Variants in MAD1L1 observed in about 807,000 individuals in gnomAD.
MAD1L1 encodes mitotic spindle assembly checkpoint protein MAD1.
MAD1L1 carries 95 observed loss-of-function variants against 96.9 expected under a neutral mutation model. The observed-to-expected ratio is 0.98, with a 90% CI of 0.83 to 1.16. The LOEUF is 1.16. Ranked by LOEUF, MAD1L1 falls within the 50% of genes most tolerant of loss-of-function variation. The pLI, the probability that MAD1L1 is intolerant of heterozygous loss-of-function variation, is 0.00. For missense variants in MAD1L1, 1,007 were observed against 954.4 expected, an observed-to-expected ratio of 1.06 and a Z score of -0.73; for synonymous variants, 473 against 396.6, an observed-to-expected ratio of 1.19 and a Z score of -2.29.
At chr7:1,868,939 C>A (rs1026144022) in intron 18 of MAD1L1, among the ~76,000 whole-genome samples, 1 of 152,212 alleles carries the variant, frequency 6.6e-6, no homozygotes, top group Non-Finnish European at 1.5e-5. Context: ...CGCCTCACCG[C>A]GCCAGGCAGA....
At chr7:2,035,101 A>G (rs894068205) in intron 12 of MAD1L1, among the ~76,000 whole-genome samples, 1 of 152,280 alleles carries the variant, frequency 6.6e-6, no homozygotes, top group Non-Finnish European at 1.5e-5. Context: ...ATTTCTGAAT[A>G]AAGAAATGCC....
rs551682787 is a variant in MAD1L1, at chr7:1,944,480, T to C, written c.1597-7583A>G. ...CGGGGCTGAAACCAGCCTCTTCCTT[T>C]GCATGTACCACGATTTCAACTTCAA... is the stretch of plus-strand genomic sequence containing the variant. On this transcript the variant is annotated intron_variant, in intron 16 of 18. Transcript: ENST00000265854. 2.6e-3 allele frequency among the ~76,000 whole-genome samples: 399 copies of C among 152,260 alleles called. 2 individuals carry two copies. The highest frequency in any genetic ancestry group is 1.7e-3 in the Non-Finnish European group (116 of 68,010).
At chr7:1,970,785 G>A (rs1034186104) in intron 15 of MAD1L1, among the ~76,000 whole-genome samples, 2 of 152,154 alleles carry the variant, frequency 1.3e-5, no homozygotes, top group Non-Finnish European at 2.9e-5. Context: ...ATCATTGCTG[G>A]CATTCTTTAG....
chr7:2,212,767 T>C (rs1007040665), intron 10 of MAD1L1, among the ~76,000 whole-genome samples: 2 of 152,206 alleles, frequency 1.3e-5, no homozygotes, highest in African/African-American at 2.4e-5. Context: ...ACCCAGTCTC[T>C]GGTATTTCTT....
At chr7:1,903,181 G>A (rs1290820636) in intron 17 of MAD1L1, among the ~76,000 whole-genome samples, 2 of 151,110 alleles carry the variant, frequency 1.3e-5, no homozygotes, top group Non-Finnish European at 2.9e-5. Flanking sequence ...CAAGCACACG[G>A]TGGCCTATTG....
At chr7:1,944,857 C>T (rs1562549663) in intron 16 of MAD1L1, among the ~76,000 whole-genome samples, 1 of 152,232 alleles carries the variant, frequency 6.6e-6, no homozygotes, top group Non-Finnish European at 1.5e-5. Context: ...CTGCAGGCCA[C>T]CTCTGCAGCT....
intron 18 of MAD1L1, among the ~76,000 whole-genome samples, chr7:1,882,499 G>A (rs1410988516): frequency 2.0e-5 from 3 of 152,186 alleles, no homozygotes; most frequent in East Asian, 1.9e-4. Context: ...AGGGGCGCGC[G>A]GGCCGTGTTT....
chr7:2,221,130 C>G, intron 5 of MAD1L1: 1 of 1,038,844 alleles, frequency 9.6e-7, no homozygotes, highest in Non-Finnish European at 1.4e-6. Flanking sequence ...CCTGCAGCGC[C>G]ACCATCTTCC....
intron 10 of MAD1L1, among the ~76,000 whole-genome samples, chr7:2,167,015 C>T (rs996705224): frequency 2.6e-5 from 4 of 152,228 alleles, no homozygotes; most frequent in African/African-American, 9.7e-5. Flanking sequence ...GTGCCTGTAG[C>T]TCACGGGGCT....
At chr7:1,990,577 G>A (rs1042622396) in intron 14 of MAD1L1, among the ~76,000 whole-genome samples, 4 of 152,242 alleles carry the variant, frequency 2.6e-5, no homozygotes, top group African/African-American at 4.8e-5. Flanking sequence ...CAGCCCAGCC[G>A]GAGGGCATGT....
At chr7:2,163,435 A>G (rs1790264313) in intron 10 of MAD1L1, among the ~76,000 whole-genome samples, 1 of 152,126 alleles carries the variant, frequency 6.6e-6, no homozygotes, top group African/African-American at 2.4e-5. Context: ...GTGCAGTGGC[A>G]CAATCTCGGC....
chr7:1,837,827 G>C (rs999894992), intron 18 of MAD1L1, among the ~76,000 whole-genome samples: 2 of 152,240 alleles, frequency 1.3e-5, no homozygotes, highest in African/African-American at 2.4e-5. Flanking sequence ...CCTGGGATCT[G>C]GGGGCGAAGG....
chr7:1,909,640 C>T (rs1036190780), intron 17 of MAD1L1, among the ~76,000 whole-genome samples: 9 of 152,126 alleles, frequency 5.9e-5, no homozygotes, highest in South Asian at 2.1e-4. Context: ...CAGGGGCTGC[C>T]GGCCCCAAAT....
chr7:1,897,290 T>G (rs1243206218), intron 18 of MAD1L1, among the ~76,000 whole-genome samples: 3 of 150,132 alleles, frequency 2.0e-5, no homozygotes, highest in Non-Finnish European at 4.4e-5. Context: ...ACGCAGAGGC[T>G]GCAGACTGCA....
chr7:2,211,398 C>G (rs560239364), intron 10 of MAD1L1, among the ~76,000 whole-genome samples: 1 of 152,356 alleles, frequency 6.6e-6, no homozygotes, highest in Non-Finnish European at 1.5e-5. Context: ...TACTTTGAAA[C>G]CAGCCAGAGA....
In MAD1L1 at chr7:1,938,197, C is replaced by T. The variant is rs564940344; in HGVS notation, c.1597-1300G>A. On this transcript the variant is annotated intron_variant, in intron 16 of 18. Transcript: ENST00000265854. ...CCTCACGCCACACACAAACATCAGC[C>T]GCCCACGGCAGGGAGCTGCAGGGTT... is the stretch of plus-strand genomic sequence containing the variant. Among the ~76,000 whole-genome samples, 16 of 120,848 alleles carry T rather than the reference C, an allele frequency of 1.3e-4. 1 individual carries two copies. Among genetic ancestry groups the T allele is most frequent in the African/African-American group, 5.0e-4 (15 of 30,212 alleles). The allele number at this position is 120,848 out of a possible 152,430, so 79.3% of individuals were successfully genotyped here. A position where few individuals can be genotyped will look rare whatever the true frequency, so the allele number is the denominator to read the frequency against.
Position 1,936,764 on chromosome 7 carries a change from G to GCGCGCAGGAGCC in MAD1L1, c.1718_1729dup (p.Gly573_Arg576dup). 3 of 1,571,546 alleles carry GCGCGCAGGAGCC rather than the reference G, an allele frequency of 1.9e-6. No homozygotes were observed. The highest frequency in any genetic ancestry group is 1.7e-6 in the Non-Finnish European group (2 of 1,159,710). Reference sequence around the variant, plus strand: ...TGGGACGGTGCCTCCTCTCTCCATGGCGCGCAGGAGCCCGCGCAGTCGCTC... The same window carrying GCGCGCAGGAGCC: ...TGGGACGGTGCCTCCTCTCTCCATGGCGCGCAGGAGCCCGCGCAGGAGCCCGCGCAGTCGCTC... On this transcript the variant is annotated inframe_insertion, in exon 17 of 19. Coordinates refer to ENST00000265854, the MANE Select transcript of MAD1L1 (RefSeq NM_001013836.2).
chr7:2,167,235 C>A (rs1441514962), intron 10 of MAD1L1, among the ~76,000 whole-genome samples: 1 of 152,184 alleles, frequency 6.6e-6, no homozygotes, highest in Non-Finnish European at 1.5e-5. Context: ...GGTGACATTC[C>A]TGACTGTTCT....
intron 11 of MAD1L1, among the ~76,000 whole-genome samples, chr7:2,143,371 A>G (rs950575831): frequency 1.3e-5 from 2 of 149,826 alleles, no homozygotes; most frequent in Non-Finnish European, 3.0e-5. Flanking sequence ...GTGCACCATA[A>G]TTCAGATGCC....
Sources: gnomAD v4.1 joint callset for allele counts (sites outside exome capture counted in the v4.1 genomes callset) on GRCh38, gnomAD v4.1.1 for gene constraint, MANE v1.5 for transcripts, NCBI Gene and HGNC (gene_info 2026-07-23, HGNC 2026-07-21) for gene names.